Variants in TBC1D19 observed in about 807,000 individuals in gnomAD.
The protein encoded by TBC1D19 is TBC1 domain family, member 19.
TBC1D19 carries 60 observed loss-of-function variants against 89.0 expected under a neutral mutation model. The ratio of observed to expected loss-of-function variants is 0.67; its 90% CI spans 0.55 to 0.84. The LOEUF (loss-of-function observed/expected upper bound fraction) is 0.84, where lower values mean the gene tolerates loss of function less well. Ranked by LOEUF, TBC1D19 falls within the 40% of genes least tolerant of loss-of-function variation. TBC1D19 has a pLI of 0.00. For missense variants in TBC1D19, 500 were observed against 610.8 expected (o/e 0.82, Z 1.91); for synonymous variants, 189 against 199.7 (o/e 0.95, Z 0.45).
At chr4:26,718,113 T>G in intron 14 of TBC1D19, 96 bp downstream of exon 14, 1 of 865,312 alleles carries the variant, frequency 1.2e-6, no homozygotes, top group Non-Finnish European at 1.8e-6. Context: ...TGCCAAATTA[T>G]TATAAATTAC....
chr4:26,690,728 T>C (rs972861731), intron 13 of TBC1D19, among the ~76,000 whole-genome samples: 18 of 152,214 alleles, frequency 1.2e-4, no homozygotes, highest in African/African-American at 3.9e-4. Context: ...CATTTCAAAA[T>C]ATTACTGCTC....
At chr4:26,808,471 G>A in the TBC1D19 span, among the ~76,000 whole-genome samples, 160 of 96,270 alleles carry the variant, frequency 1.7e-3, 1 homozygote, top group East Asian at 0.034. Context: ...GGTGGCTCAC[G>A]CCTGTAATCC....
At chr4:26,808,621 C>G in the TBC1D19 span, among the ~76,000 whole-genome samples, 1 of 146,468 alleles carries the variant, frequency 6.8e-6, no homozygotes, top group African/African-American at 2.5e-5. Flanking sequence ...CCCAGCTACT[C>G]GGGAGGCTGA....
At chr4:26,842,622 TTCTTTCTTTC>T in the TBC1D19 span, among the ~76,000 whole-genome samples, 2 of 145,718 alleles carry the variant, frequency 1.4e-5, no homozygotes, top group Non-Finnish European at 3.0e-5. Flanking sequence ...CTTTCTTTCT[TTCTTTCTTTC>T]TTTCTTTCTT....
chr4:26,787,162 G>T, the TBC1D19 span, among the ~76,000 whole-genome samples: 5 of 150,098 alleles, frequency 3.3e-5, no homozygotes, highest in Non-Finnish European at 1.5e-5. Flanking sequence ...GTGTGCAGTG[G>T]TGCAATCTTG....
intron 9 of TBC1D19, among the ~76,000 whole-genome samples, chr4:26,667,483 G>C (rs1038341536): frequency 1.3e-5 from 2 of 151,870 alleles, no homozygotes; most frequent in Non-Finnish European, 2.9e-5. Context: ...GACTTCTTTT[G>C]TTCAAATTAT....
At chr4:26,855,411 A>G in the TBC1D19 span, among the ~76,000 whole-genome samples, 1 of 152,198 alleles carries the variant, frequency 6.6e-6, no homozygotes, top group Non-Finnish European at 1.5e-5. Flanking sequence ...ATAGCTAACT[A>G]TGCACCAGGC....
rs564092575 is a variant in TBC1D19 at position 26,746,690 on chromosome 4, A to C, written c.1320-1721A>C. ...GTGGATAGTACTGAGCCCTGTATAT[A>C]CACCATGATGTTTTTCCCTATATAT... On this transcript the variant is annotated intron_variant, in intron 18 of 20. Coordinates refer to ENST00000264866, the MANE Select transcript of TBC1D19 (RefSeq NM_018317.4). 2.0e-5 allele frequency among the ~76,000 whole-genome samples: 3 copies of C among 152,306 alleles called. 1 individual carries two copies. The South Asian group carries it at 6.2e-4, about 32-fold the overall frequency.
chr4:26,604,117 A>G (rs1243216557), intron 1 of TBC1D19, among the ~76,000 whole-genome samples: 1 of 143,178 alleles, frequency 7.0e-6, no homozygotes, highest in Non-Finnish European at 1.5e-5. Flanking sequence ...ACGTTCATCC[A>G]TGTTGTAACA....
intron 13 of TBC1D19, among the ~76,000 whole-genome samples, chr4:26,704,921 A>C (rs921963801): frequency 3.3e-5 from 5 of 152,180 alleles, no homozygotes; most frequent in African/African-American, 1.2e-4. Context: ...CATCATCGCC[A>C]ACATGTTACT....
intron 11 of TBC1D19, among the ~76,000 whole-genome samples, chr4:26,683,306 G>A (rs554146984): frequency 2.0e-5 from 3 of 152,166 alleles, no homozygotes; most frequent in African/African-American, 7.2e-5. Context: ...GCATAAATGG[G>A]AATAATAATC....
the TBC1D19 span, among the ~76,000 whole-genome samples, chr4:26,799,323 C>A: frequency 7.9e-5 from 12 of 151,946 alleles, no homozygotes; most frequent in Non-Finnish European, 1.5e-4. Context: ...GGTGATGAAG[C>A]AAGACCCTGT....
the TBC1D19 span, among the ~76,000 whole-genome samples, chr4:26,763,045 TAA>T: frequency 3.7e-4 from 56 of 152,318 alleles, no homozygotes; most frequent in African/African-American, 1.2e-3. Context: ...GCAGCTAAAT[TAA>T]GTTTACTGTA....
chr4:26,814,145 A>G, the TBC1D19 span, among the ~76,000 whole-genome samples: 6 of 152,138 alleles, frequency 3.9e-5, no homozygotes, highest in Non-Finnish European at 4.4e-5. Flanking sequence ...AACACATCCA[A>G]TAACAGATAC....
the TBC1D19 span, among the ~76,000 whole-genome samples, chr4:26,808,458 C>T: frequency 1.2e-3 from 172 of 141,910 alleles, no homozygotes; most frequent in Admixed American, 3.6e-3. Context: ...GCTGGCTGGG[C>T]GCGGTGGCTC....
chr4:26,758,084 A>C (rs1017449245), downstream of TBC1D19, among the ~76,000 whole-genome samples: 11 of 152,282 alleles, frequency 7.2e-5, no homozygotes, highest in Admixed American at 2.6e-4. Flanking sequence ...GCCTTCCCCC[A>C]AAATTTTTCT....
At chr4:26,826,275 A>G in the TBC1D19 span, among the ~76,000 whole-genome samples, 1 of 152,224 alleles carries the variant, frequency 6.6e-6, no homozygotes, top group Admixed American at 6.5e-5. Context: ...CCCACTGCAC[A>G]TAGGACTTCG....
At chr4:26,791,053 AC>A in the TBC1D19 span, among the ~76,000 whole-genome samples, 1 of 152,056 alleles carries the variant, frequency 6.6e-6, no homozygotes, top group African/African-American at 2.4e-5. Flanking sequence ...CTACTGGTCA[AC>A]CTGCTCCTAG....
chr4:26,601,933 T>C (rs1375521094), intron 1 of TBC1D19, among the ~76,000 whole-genome samples: 1 of 152,234 alleles, frequency 6.6e-6, no homozygotes, highest in Non-Finnish European at 1.5e-5. Context: ...TCTTTTTCTA[T>C]AGGAGGTACC....
Sources: gnomAD v4.1 joint callset for allele counts (sites outside exome capture counted in the v4.1 genomes callset) on GRCh38, gnomAD v4.1.1 for gene constraint, MANE v1.5 for transcripts, NCBI Gene and HGNC (gene_info 2026-07-23, HGNC 2026-07-21) for gene names.